TMC2: variants seen among roughly 807,000 people sequenced by gnomAD.
TMC2 encodes transmembrane channel like 2, also known as transmembrane channel-like protein 2.
In TMC2, 102 loss-of-function variants were observed where a neutral mutation model predicts 105.9. The ratio of observed to expected loss-of-function variants is 0.96; its 90% CI spans 0.82 to 1.14. TMC2 has a LOEUF of 1.14. Among genes scored for constraint, TMC2 ranks in the 50% most tolerant of loss-of-function variants. TMC2 has a pLI of 0.00. For synonymous variants in TMC2, 402 were observed against 422.8 expected (o/e 0.95, Z 0.60); for missense variants, 1,093 against 1,134.3 (o/e 0.96, Z 0.52).
At chr20:2,577,507 A>G (rs186340457) in intron 5 of TMC2, among the ~76,000 whole-genome samples, 99 of 152,278 alleles carry the variant, frequency 6.5e-4, no homozygotes, top group Non-Finnish European at 2.6e-4. Flanking sequence ...ATCTGGGACC[A>G]TCTCCCTCTT....
chr20:2,622,041 A>C (rs2086529099), intron 16 of TMC2, among the ~76,000 whole-genome samples: 1 of 152,182 alleles, frequency 6.6e-6, no homozygotes, highest in Non-Finnish European at 1.5e-5. Flanking sequence ...AAAAATAATA[A>C]TAATAATAAA....
intron 9 of TMC2, among the ~76,000 whole-genome samples, chr20:2,595,447 G>A (rs1568517887): frequency 6.6e-6 from 1 of 151,998 alleles, no homozygotes; most frequent in African/African-American, 2.4e-5. Flanking sequence ...ACCAAGGCTG[G>A]CATATAGAAA....
At chr20:2,612,454 C>A in intron 13 of TMC2, 114 bp downstream of exon 13, 3 of 1,037,018 alleles carry the variant, frequency 2.9e-6, no homozygotes, top group East Asian at 2.7e-5. Context: ...GTTCATCCAG[C>A]AAACATTTCA....
chr20:2,548,591 TA>T (rs2085938427), intron 2 of TMC2, among the ~76,000 whole-genome samples: 1 of 148,516 alleles, frequency 6.7e-6, no homozygotes, highest in Admixed American at 6.8e-5. Context: ...TGAGCCAAGA[TA>T]GCACCATTGC....
At chr20:2,611,561 G>T (rs2086438401) in intron 12 of TMC2, among the ~76,000 whole-genome samples, 1 of 152,176 alleles carries the variant, frequency 6.6e-6, no homozygotes, top group Non-Finnish European at 1.5e-5. Flanking sequence ...CCTCCCGGAA[G>T]TCTTCTGTGG....
intron 16 of TMC2, 132 bp downstream of exon 16, chr20:2,617,443 T>G: frequency 8.2e-7 from 1 of 1,218,398 alleles, no homozygotes; most frequent in East Asian, 2.4e-5. Flanking sequence ...GAATCACCGA[T>G]GCCATTTAAG....
intron 7 of TMC2, among the ~76,000 whole-genome samples, chr20:2,589,270 CTG>C (rs750496572): frequency 0.026 from 3,016 of 116,062 alleles, 49 homozygotes; most frequent in Middle Eastern, 0.043. Flanking sequence ...CCTATTTGCC[CTG>C]TGTGTGTGTG....
At position 2,641,549 on chromosome 20, in the gene TMC2, AG is replaced by A. The variant is rs1358612187; in HGVS notation, c.*201del. 4 of 572,204 alleles carry A rather than the reference AG, an allele frequency of 7.0e-6. No homozygotes were observed. The highest frequency in any genetic ancestry group is 1.2e-5 in the Non-Finnish European group (4 of 320,364). 35.4% of individuals were successfully genotyped at this position (572,204 alleles called of 1,614,324 possible). A position where few individuals can be genotyped will look rare whatever the true frequency, so the allele number is the denominator to read the frequency against. On this transcript the variant is annotated 3_prime_UTR_variant, in exon 20 of 20. Transcript: ENST00000358864. The stretch of plus-strand genomic sequence containing the variant: ...AAGACAGTGGCTTCACCTGTCCTTT[AG>A]GGAAGCTGGAGCCATCTCTGCACTA...
At chr20:2,598,322 G>A (rs965039022) in intron 10 of TMC2, among the ~76,000 whole-genome samples, 1 of 152,184 alleles carries the variant, frequency 6.6e-6, no homozygotes, top group African/African-American at 2.4e-5. Context: ...TCCCACAGGG[G>A]CTGAGGTGGG....
intron 19 of TMC2, 91 bp from the exon 20 acceptor site, chr20:2,641,043 C>A: frequency 8.9e-7 from 1 of 1,122,032 alleles, no homozygotes; most frequent in Non-Finnish European, 1.3e-6. Flanking sequence ...GGACTAAAAC[C>A]TACACACACC....
Position 2,643,431 on chromosome 20 carries a change from C to T in TMC2, c.*2080C>T, listed in dbSNP as rs1357064529. Among the ~76,000 whole-genome samples the T allele has an allele frequency of 6.6e-6, 1 of 152,228 alleles. No individual in the cohort carries two copies. The highest frequency in any genetic ancestry group is 1.5e-5 in the Non-Finnish European group (1 of 68,046). On this transcript the variant is annotated 3_prime_UTR_variant, in exon 20 of 20. Transcript: ENST00000358864. Reference sequence around the variant, plus strand: ...CAGGCCTCCACTGGTTACTAATACACATAAATACCCACCACAAACACAAAC... The same window carrying T: ...CAGGCCTCCACTGGTTACTAATACATATAAATACCCACCACAAACACAAAC...
chr20:2,637,936 G>A (rs1343543032), intron 19 of TMC2, among the ~76,000 whole-genome samples: 1 of 152,182 alleles, frequency 6.6e-6, no homozygotes, highest in African/African-American at 2.4e-5. Flanking sequence ...GATTATAATG[G>A]AGCTGAATAA....
intron 2 of TMC2, among the ~76,000 whole-genome samples, chr20:2,549,231 T>C (rs887710958): frequency 2.6e-5 from 4 of 152,154 alleles, no homozygotes; most frequent in African/African-American, 9.7e-5. Flanking sequence ...AATTTTTAGT[T>C]TTTTTGTACA....
chr20:2,614,896 C>CA (rs1294102493), intron 14 of TMC2, among the ~76,000 whole-genome samples: 2 of 151,640 alleles, frequency 1.3e-5, no homozygotes, highest in African/African-American at 4.8e-5. Flanking sequence ...TCTTAAACAT[C>CA]AAAAAAATGA....
chr20:2,628,932 C>T (rs1600140583), intron 17 of TMC2, among the ~76,000 whole-genome samples: 1 of 151,960 alleles, frequency 6.6e-6, no homozygotes, highest in Non-Finnish European at 1.5e-5. Context: ...GAAACCCCGT[C>T]TCTACTAAAA....
rs2086427745 is a variant in TMC2 at position 2,610,452 on chromosome 20, T to C, written c.1447T>C (p.Cys483Arg). 3 of 1,613,124 alleles carry C rather than the reference T, an allele frequency of 1.9e-6. No individual in the cohort carries two copies. Among genetic ancestry groups the C allele is most frequent in the Non-Finnish European group, 2.5e-6 (3 of 1,179,482 alleles). ...CGTGATGTCCCTGCTTGGAATGTTT[T>C]GTCCCCCTCTGTTTGAAACCATCGC... ...EIVMSLLGMF[C>R]PPLFETIAAL... Residue 483 changes from cysteine to arginine, a missense_variant, in exon 12 of 20, where the codon TGT becomes CGT. Physicochemically the swap from Cys to Arg is radical, Grantham distance 180 (BLOSUM62 -3). Coordinates refer to ENST00000358864, the MANE Select transcript of TMC2 (RefSeq NM_080751.3).
intron 6 of TMC2, among the ~76,000 whole-genome samples, 154 bp downstream of exon 6, chr20:2,579,381 A>ATTTT (rs763353264): frequency 0.059 from 8,797 of 147,888 alleles, 359 homozygotes; most frequent in Non-Finnish European, 0.09. Context: ...GCCAAGATTT[A>ATTTT]TTTTTTATTT....
At chr20:2,624,220 A>T in intron 16 of TMC2, 51 bp from the exon 17 acceptor site, 1 of 1,586,532 alleles carries the variant, frequency 6.3e-7, no homozygotes, top group Non-Finnish European at 8.6e-7. Context: ...ACAGCTGTGA[A>T]TGCCACAGGC....
chr20:2,600,619 G>A (rs899215160), intron 10 of TMC2, among the ~76,000 whole-genome samples: 1 of 152,106 alleles, frequency 6.6e-6, no homozygotes, highest in Non-Finnish European at 1.5e-5. Context: ...TCAAGAGATC[G>A]AGACCATCCT....
Sources: allele counts gnomAD v4.1 joint callset (sites outside exome capture counted in the v4.1 genomes callset), GRCh38; gene constraint gnomAD v4.1.1; transcripts MANE v1.5; gene names NCBI Gene and HGNC (gene_info 2026-07-23, HGNC 2026-07-21).